The following FAM83G variants were observed in gnomAD, a reference collection of about 807,000 sequenced individuals.
The protein encoded by FAM83G is scaffolding CK1 anchoring protein G.
In FAM83G, 38 loss-of-function variants were observed where a neutral mutation model predicts 61.5. The ratio of observed to expected loss-of-function variants is 0.62; its 90% CI spans 0.48 to 0.81. FAM83G has a LOEUF of 0.81. Among genes scored for constraint, FAM83G ranks in the 30% least tolerant of loss-of-function variants. FAM83G has a pLI of 0.00. For missense variants in FAM83G, 989 were observed against 1,133.6 expected (o/e 0.87, Z 1.83); for synonymous variants, 470 against 476.1 (o/e 0.99, Z 0.17).
At chr17:18,998,473 TATG>T (rs986923775) in intron 2 of FAM83G, among the ~76,000 whole-genome samples, 14 of 152,310 alleles carry the variant, frequency 9.2e-5, no homozygotes, top group African/African-American at 3.4e-4. Flanking sequence ...GGTGTAACCT[TATG>T]AAGGCCCCAG....
In FAM83G at chr17:18,978,045, G is replaced by T. The variant is rs749381056; in HGVS notation, c.1621C>A (p.His541Asn). Residue 541 changes from histidine (H) to asparagine (N), a missense_variant, in exon 5 of 6, where the codon CAT becomes AAT. By Grantham distance (68) the His-to-Asn change is moderately conservative. Around this residue, in one of 3 missense-constraint regions of FAM83G, gnomAD observed 574 missense variants for 645.1 expected, o/e 0.89. Coordinates refer to ENST00000388995, the MANE Select transcript of FAM83G (RefSeq NM_001039999.3). ...KEEAPQNGTD[H>N]RLPRMAGPGH... ...GGGCCTGCCATCCTGGGTAGCCTATGGTCTGTCCCATTCTGGGGAGCTTCC... is the reference window on the plus strand; with the variant it reads ...GGGCCTGCCATCCTGGGTAGCCTATTGTCTGTCCCATTCTGGGGAGCTTCC... 2.6e-6 allele frequency: 4 copies of T among 1,528,688 alleles called. No homozygotes were observed. The South Asian group carries it at 5.2e-5, about 20-fold the overall frequency. 94.7% of individuals were successfully genotyped at this position (1,528,688 alleles called of 1,614,324 possible).
chr17:19,002,107 C>T (rs1472858717), intron 2 of FAM83G, among the ~76,000 whole-genome samples: 1 of 149,534 alleles, frequency 6.7e-6, no homozygotes, highest in Non-Finnish European at 1.5e-5. Flanking sequence ...ATGAAGGTCC[C>T]TTCCTCCTCC....
At position 18,969,501 on chromosome 17, in the gene FAM83G, C is replaced by A; in HGVS notation, c.*1858G>T. On this transcript the variant is annotated 3_prime_UTR_variant, in exon 6 of 6. Transcript: ENST00000388995. ...GAGTCTGGCACTGCCCGGCACTGTG[C>A]AGGATTCATGCCGTTGGGGTTCTGG... 1 of 1,356,414 alleles carries A rather than the reference C, an allele frequency of 7.4e-7. No individual in the cohort carries two copies. The highest frequency in any genetic ancestry group is 1.0e-6 in the Non-Finnish European group (1 of 962,534). 84.0% of individuals were successfully genotyped at this position (1,356,414 alleles called of 1,614,324 possible).
In FAM83G at chr17:19,003,661, G is replaced by A; in HGVS notation, c.381C>T (p.Ser127=). The A allele has an allele frequency of 2.5e-6, 4 of 1,611,922 alleles. No homozygotes were observed. Among genetic ancestry groups the A allele is most frequent in the Non-Finnish European group, 3.4e-6 (4 of 1,179,406 alleles). The change falls in exon 2 of 6, where the codon TCC becomes TCT. Residue 127 remains serine (S), a synonymous_variant. Coordinates refer to ENST00000388995, the MANE Select transcript of FAM83G (RefSeq NM_001039999.3). The surrounding 1 kb of genome is among the most constrained non-coding windows in gnomAD (Gnocchi z 4.5). ...GCCAGCCCAGGTCCAGCTGCGGGAT[G>A]GAGCGGTCCGACTTCTGGGGCCAGT... ...LEYWPQKSDR[S]IPQLDLGWPD...
At chr17:18,980,257 A>C (rs1255414595) in intron 3 of FAM83G, among the ~76,000 whole-genome samples, 1 of 152,144 alleles carries the variant, frequency 6.6e-6, no homozygotes, top group East Asian at 1.9e-4. Context: ...CAGGACTCAC[A>C]GCAAACCTTT....
chr17:18,989,382 C>T (rs1192444334), intron 2 of FAM83G, among the ~76,000 whole-genome samples: 2 of 152,210 alleles, frequency 1.3e-5, no homozygotes, highest in African/African-American at 4.8e-5. Flanking sequence ...GATGTGTCTG[C>T]ACGCCCCAAA....
intron 3 of FAM83G, 53 bp downstream of exon 3, chr17:18,988,194 G>A: frequency 6.3e-7 from 1 of 1,586,728 alleles, no homozygotes; most frequent in African/African-American, 1.3e-5. Context: ...TTTGTTGACA[G>A]ACTGAATGAC....
intron 2 of FAM83G, among the ~76,000 whole-genome samples, chr17:18,993,704 C>G (rs9891821): frequency 0.21 from 32,420 of 152,062 alleles, 4,650 homozygotes; most frequent in African/African-American, 0.4. Flanking sequence ...CGGGGGTGGA[C>G]AGAGTCTCTC....
Position 19,004,157 on chromosome 17 carries a change from G to T in FAM83G, c.-116C>A. On this transcript the variant is annotated 5_prime_UTR_variant, in exon 2 of 6. Coordinates refer to ENST00000388995, the MANE Select transcript of FAM83G (RefSeq NM_001039999.3). This position sits in a 1 kb window ranked among gnomAD's most constrained non-coding sequence, Gnocchi z 5.4. ...GCCTCTCCGCGGCCTCTGCTTCTCT[G>T]CCCATGAGCAATCTGCGGGAAAGAC... The T allele has an allele frequency of 1.1e-6, 1 of 942,946 alleles. No individual in the cohort carries two copies. Among genetic ancestry groups the T allele is most frequent in the Non-Finnish European group, 1.5e-6 (1 of 669,322 alleles). The allele number at this position is 942,946 out of a possible 1,614,324, so 58.4% of individuals were successfully genotyped here. A position where few individuals can be genotyped will look rare whatever the true frequency, so the allele number is the denominator to read the frequency against.
At chr17:19,002,648 C>T (rs928186537) in intron 2 of FAM83G, among the ~76,000 whole-genome samples, 4 of 152,334 alleles carry the variant, frequency 2.6e-5, no homozygotes, top group Non-Finnish European at 5.9e-5. Context: ...TGCTTGGAAA[C>T]GATGAGAAGG....
rs2042786641 is a variant in FAM83G at position 18,969,531 on chromosome 17, C to T, written c.*1828G>A. 3 of 1,077,576 alleles carry T rather than the reference C, an allele frequency of 2.8e-6. No individual in the cohort carries two copies. Among genetic ancestry groups the T allele is most frequent in the Non-Finnish European group, 4.1e-6 (3 of 738,054 alleles). 66.8% of individuals were successfully genotyped at this position (1,077,576 alleles called of 1,614,324 possible). ...TTCATGCCGTTGGGGTTCTGGGTAGCATCGCTGGGAGTGGGTGGGTTCAGG... is the reference window on the plus strand; with the variant it reads ...TTCATGCCGTTGGGGTTCTGGGTAGTATCGCTGGGAGTGGGTGGGTTCAGG... On this transcript the variant is annotated 3_prime_UTR_variant, in exon 6 of 6. Coordinates refer to ENST00000388995, the MANE Select transcript of FAM83G (RefSeq NM_001039999.3).
intron 5 of FAM83G, among the ~76,000 whole-genome samples, chr17:18,973,443 C>T (rs2042904584): frequency 6.6e-6 from 1 of 152,248 alleles, no homozygotes; most frequent in Non-Finnish European, 1.5e-5. Context: ...GAGCTGTAGC[C>T]TGGCCTCTGC....
In FAM83G at chr17:19,001,225, G is replaced by A. The variant is rs186681578; in HGVS notation, c.522+2295C>T. On this transcript the variant is annotated intron_variant, in intron 2 of 5. Coordinates refer to ENST00000388995, the MANE Select transcript of FAM83G (RefSeq NM_001039999.3). The stretch of plus-strand genomic sequence containing the variant: ...AGCCTGGGCCACAGGTCCCAGGACA[G>A]ATGTGGCAGGGAAGGAAGTGCCCAG... 2.3e-3 allele frequency among the ~76,000 whole-genome samples: 351 copies of A among 152,366 alleles called. 2 individuals are homozygous for A. Among genetic ancestry groups the A allele is most frequent in the Middle Eastern group, 0.014 (4 of 294 alleles).
chr17:18,976,955 C>G, intron 5 of FAM83G: 2 of 1,613,176 alleles, frequency 1.2e-6, no homozygotes, highest in Non-Finnish European at 1.7e-6. Flanking sequence ...GCCTGATCAT[C>G]ATGCCGGGCA....
At position 19,004,224 on chromosome 17, in the gene FAM83G, A is replaced by T. The variant is rs924164319; in HGVS notation, c.-128-55T>A. ...GGCGGGGAGGGCGGGCCGCGCGGGG[A>T]GGGGCGGCGGGGGCGGGGCCGGGAA... is the stretch of plus-strand genomic sequence containing the variant. On this transcript the variant is annotated intron_variant, in intron 1 of 5. Coordinates refer to ENST00000388995, the MANE Select transcript of FAM83G (RefSeq NM_001039999.3). The surrounding 1 kb of genome is among the most constrained non-coding windows in gnomAD (Gnocchi z 5.4). 55 of 92,084 alleles carry T rather than the reference A, an allele frequency of 6.0e-4. No homozygotes were observed. Among genetic ancestry groups the T allele is most frequent in the East Asian group, 1.0e-3 (3 of 2,926 alleles). The allele number at this position is 92,084 out of a possible 1,614,324, so 5.7% of individuals were successfully genotyped here. A position where few individuals can be genotyped will look rare whatever the true frequency, so the allele number is the denominator to read the frequency against.
At chr17:18,980,142 C>T (rs2043093534) in intron 3 of FAM83G, among the ~76,000 whole-genome samples, 1 of 152,120 alleles carries the variant, frequency 6.6e-6, no homozygotes, top group Non-Finnish European at 1.5e-5. Flanking sequence ...AGAATCTGTG[C>T]CTTATACTCC....
intron 3 of FAM83G, among the ~76,000 whole-genome samples, chr17:18,983,530 G>T (rs752928023): frequency 6.6e-6 from 1 of 152,222 alleles, no homozygotes; most frequent in African/African-American, 2.4e-5. Flanking sequence ...TAGAGCAGTG[G>T]GGAGGTCCAG....
chr17:18,994,009 G>A (rs2152135106), intron 2 of FAM83G, among the ~76,000 whole-genome samples: 2 of 152,252 alleles, frequency 1.3e-5, no homozygotes, highest in South Asian at 4.2e-4. Context: ...AGCTCCCTCT[G>A]GGGTGAACAG....
At chr17:18,989,898 CA>C (rs1372558551) in intron 2 of FAM83G, among the ~76,000 whole-genome samples, 1 of 152,196 alleles carries the variant, frequency 6.6e-6, no homozygotes, top group African/African-American at 2.4e-5. Context: ...GGTTGGTCTC[CA>C]GTACCTTCTC....
Sources: allele counts gnomAD v4.1 joint callset (sites outside exome capture counted in the v4.1 genomes callset), GRCh38; gene constraint gnomAD v4.1.1; regional missense constraint gnomAD v4.1.1; non-coding constraint Gnocchi (gnomAD v3.1); transcripts MANE v1.5; gene names NCBI Gene and HGNC (gene_info 2026-07-23, HGNC 2026-07-21).